GUCY1B1: variants seen among roughly 807,000 people sequenced by gnomAD.
The protein encoded by GUCY1B1 is guanylate cyclase soluble subunit beta-1.
A neutral mutation model predicts 71.0 loss-of-function variants in GUCY1B1; 43 were observed. The observed-to-expected ratio is 0.61, with a 90% CI of 0.47 to 0.78. The LOEUF is 0.78. Among genes scored for constraint, GUCY1B1 ranks in the 30% least tolerant of loss-of-function variants. The pLI is 0.00. For synonymous variants in GUCY1B1, 266 were observed against 259.7 expected (o/e 1.02, Z -0.23); for missense variants, 535 against 754.1 (o/e 0.71, Z 3.40).
chr4:155,791,243 T>C (rs1033448838), intron 5 of GUCY1B1, among the ~76,000 whole-genome samples: 2 of 151,166 alleles, frequency 1.3e-5, no homozygotes, highest in Non-Finnish European at 3.0e-5. Context: ...GCCTCCCAAG[T>C]AGCTGGGACT....
intron 2 of GUCY1B1, among the ~76,000 whole-genome samples, chr4:155,765,337 T>TA (rs1377116139): frequency 2.0e-5 from 3 of 152,154 alleles, no homozygotes; most frequent in African/African-American, 7.2e-5. Flanking sequence ...ATGAATGCTA[T>TA]AAAGAAATCT....
At chr4:155,801,521 G>A (rs2111168179) in intron 9 of GUCY1B1, among the ~76,000 whole-genome samples, 1 of 152,246 alleles carries the variant, frequency 6.6e-6, no homozygotes, top group South Asian at 2.1e-4. Context: ...ATTCTACTAT[G>A]ACTAGGAAAA....
intron 4 of GUCY1B1, among the ~76,000 whole-genome samples, chr4:155,789,345 C>A (rs1420210955): frequency 1.3e-5 from 2 of 152,216 alleles, no homozygotes; most frequent in Admixed American, 1.3e-4. Context: ...TTTGGCCATT[C>A]CCTGTTGTTG....
intron 5 of GUCY1B1, among the ~76,000 whole-genome samples, chr4:155,790,707 T>C (rs188376822): frequency 6.6e-6 from 1 of 152,364 alleles, no homozygotes; most frequent in East Asian, 1.9e-4. Flanking sequence ...TTCTTTCTTA[T>C]AGATCATAGA....
At chr4:155,766,511 G>T (rs896094211) in intron 2 of GUCY1B1, among the ~76,000 whole-genome samples, 1 of 152,112 alleles carries the variant, frequency 6.6e-6, no homozygotes, top group Non-Finnish European at 1.5e-5. Flanking sequence ...AACTGTAATT[G>T]TTCATTGTAA....
intron 2 of GUCY1B1, among the ~76,000 whole-genome samples, chr4:155,766,264 T>C (rs1338468475): frequency 6.6e-6 from 1 of 152,204 alleles, no homozygotes; most frequent in Non-Finnish European, 1.5e-5. Flanking sequence ...ATAAGCTGTT[T>C]TCAAATAGAC....
rs532347257 is a variant in GUCY1B1 at position 155,791,670 on chromosome 4, G to A, written c.495+1759G>A. 1.3e-3 allele frequency among the ~76,000 whole-genome samples: 193 copies of A among 150,086 alleles called. 2 individuals are homozygous for A. The highest frequency in any genetic ancestry group is 4.2e-3 in the African/African-American group (170 of 40,906). ...CGCTTGAACCCGGGAGGCACAGGTT[G>A]CAGTGAGCCGAAATTTCGCCACTGC... is the stretch of plus-strand genomic sequence containing the variant. On this transcript the variant is annotated intron_variant, in intron 5 of 13. Transcript: ENST00000264424.
At chr4:155,788,990 C>T (rs911683684) in intron 4 of GUCY1B1, among the ~76,000 whole-genome samples, 6 of 152,152 alleles carry the variant, frequency 3.9e-5, no homozygotes, top group Non-Finnish European at 8.8e-5. Flanking sequence ...TATTAGTAAT[C>T]TGAGACTCAG....
chr4:155,766,868 C>G (rs1737368013), intron 2 of GUCY1B1, among the ~76,000 whole-genome samples: 1 of 152,140 alleles, frequency 6.6e-6, no homozygotes, highest in Non-Finnish European at 1.5e-5. Context: ...TGAGCTCTCA[C>G]CATGTCATGC....
chr4:155,786,617 C>G (rs1738804587), intron 4 of GUCY1B1, among the ~76,000 whole-genome samples: 1 of 151,576 alleles, frequency 6.6e-6, no homozygotes, highest in African/African-American at 2.4e-5. Flanking sequence ...TTACAGGCAC[C>G]CACCGCCACA....
At chr4:155,764,963 G>C (rs1560999715) in intron 2 of GUCY1B1, among the ~76,000 whole-genome samples, 1 of 151,924 alleles carries the variant, frequency 6.6e-6, no homozygotes, top group Non-Finnish European at 1.5e-5. Context: ...GATGATCTGA[G>C]GTATCCCCCA....
chr4:155,796,779 G>C (rs962395239), intron 8 of GUCY1B1, among the ~76,000 whole-genome samples: 10 of 152,230 alleles, frequency 6.6e-5, no homozygotes, highest in African/African-American at 2.4e-4. Context: ...CAAATAATCT[G>C]CATTAAGCTA....
chr4:155,807,472 T>G lies in GUCY1B1; in HGVS notation c.*1063T>G, dbSNP rs1740394600. On this transcript the variant is annotated 3_prime_UTR_variant, in exon 14 of 14. Transcript: ENST00000264424. ...CTATCTTTATAAAATAGAGTGCAAC[T>G]ACTTTTGTGTAAAAATGTTTGCCTT... 6.6e-6 allele frequency: 1 copy of G among 152,210 alleles called. No homozygotes were observed. The highest frequency in any genetic ancestry group is 2.4e-5 in the African/African-American group (1 of 41,462). The allele number at this position is 152,210 out of a possible 1,614,324, so 9.4% of individuals were successfully genotyped here.
chr4:155,778,747 C>A (rs1480185322), intron 4 of GUCY1B1, among the ~76,000 whole-genome samples: 1 of 152,116 alleles, frequency 6.6e-6, no homozygotes, highest in East Asian at 1.9e-4. Flanking sequence ...TAAAATTGAA[C>A]AGGCAGCATT....
chr4:155,762,379 G>A (rs1443439758), intron 2 of GUCY1B1, among the ~76,000 whole-genome samples: 1 of 151,888 alleles, frequency 6.6e-6, no homozygotes, highest in African/African-American at 2.4e-5. Context: ...TTTTCTTTTG[G>A]TCTTTGAGAA....
At position 155,796,390 on chromosome 4, in the gene GUCY1B1, A is replaced by C; in HGVS notation, c.857A>C (p.Asp286Ala). The change falls in exon 8 of 14, where the codon GAT becomes GCT. Residue 286 changes from aspartate (D) to alanine (A), a missense_variant. Physicochemically the swap from Asp to Ala is moderately radical, Grantham distance 126. Transcript: ENST00000264424. ...FVLRSKEGLLDVEKLECEDEL... is the reference protein window; with the variant it reads ...FVLRSKEGLLAVEKLECEDEL... The stretch of plus-strand genomic sequence containing the variant: ...TGCCTTTTCAAGGAAGGATTGTTGG[A>C]TGTGGAGAAATTAGAATGTGAGGAT... The C allele has an allele frequency of 6.2e-7, 1 of 1,613,378 alleles. No individual in the cohort carries two copies. Among genetic ancestry groups the C allele is most frequent in the Non-Finnish European group, 8.5e-7 (1 of 1,179,542 alleles).
Position 155,799,917 on chromosome 4 carries a change from C to T in GUCY1B1, c.1018C>T (p.Leu340=), listed in dbSNP as rs1739826784. 2 of 1,613,050 alleles carry T rather than the reference C, an allele frequency of 1.2e-6. No homozygotes were observed. The highest frequency in any genetic ancestry group is 2.2e-5 in the South Asian group (2 of 91,034). Residue 340 remains leucine, a synonymous_variant, in exon 9 of 14, where the codon CTA becomes TTA. Coordinates refer to ENST00000264424, the MANE Select transcript of GUCY1B1 (RefSeq NM_000857.5). The part of the protein sequence containing the change: ...LDDLTRRGLY[L]SDIPLHDATR... Reference sequence around the variant, plus strand: ...CGATTTGACAAGGAGAGGGCTGTATCTAAGTGACATCCCTCTGCATGATGC... The same window carrying T: ...CGATTTGACAAGGAGAGGGCTGTATTTAAGTGACATCCCTCTGCATGATGC...
At chr4:155,781,330 A>G (rs79555046) in intron 4 of GUCY1B1, among the ~76,000 whole-genome samples, 1,976 of 152,294 alleles carry the variant, frequency 0.013, 20 homozygotes, top group East Asian at 0.019. Context: ...GCTTAGCTCC[A>G]GAAAAATATT....
chr4:155,797,490 A>C (rs1473586021), intron 8 of GUCY1B1, among the ~76,000 whole-genome samples: 1 of 152,120 alleles, frequency 6.6e-6, no homozygotes, highest in Non-Finnish European at 1.5e-5. Flanking sequence ...CTGTAATCCC[A>C]GCACTTTCGG....
Sources: gnomAD v4.1 joint callset for allele counts (sites outside exome capture counted in the v4.1 genomes callset) on GRCh38, gnomAD v4.1.1 for gene constraint, MANE v1.5 for transcripts, NCBI Gene and HGNC (gene_info 2026-07-23, HGNC 2026-07-21) for gene names.